The following LRP2 variants were observed in gnomAD, a reference collection of about 807,000 sequenced individuals.
LRP2 encodes the protein LDL receptor related protein 2.
In LRP2, 172 loss-of-function variants were observed where a neutral mutation model predicts 531.0. That is an observed-to-expected ratio of 0.32 (90% confidence interval 0.29 to 0.37). LRP2 has a LOEUF of 0.37. Among genes scored for constraint, LRP2 ranks in the 10% least tolerant of loss-of-function variants. LRP2 has a pLI of 1.00. For synonymous variants in LRP2, 1,992 were observed against 2,027.6 expected, an observed-to-expected ratio of 0.98 and a Z score of 0.47; for missense variants, 5,167 against 5,868.3, an observed-to-expected ratio of 0.88 and a Z score of 3.90.
intron 1 of LRP2, among the ~76,000 whole-genome samples, chr2:169,348,068 G>C (rs1685741429): frequency 1.3e-5 from 2 of 152,048 alleles, no homozygotes; most frequent in African/African-American, 4.8e-5. Flanking sequence ...GAATTGCTTT[G>C]GGCAAATTAC....
chr2:169,282,120 A>C (rs1683720163), intron 10 of LRP2, among the ~76,000 whole-genome samples: 1 of 152,236 alleles, frequency 6.6e-6, no homozygotes, highest in Non-Finnish European at 1.5e-5. Flanking sequence ...AAGTTACTAC[A>C]CAGCAAATCA....
intron 6 of LRP2, 43 bp downstream of exon 6, chr2:169,294,105 A>G: frequency 7.2e-7 from 1 of 1,386,552 alleles, no homozygotes; most frequent in African/African-American, 1.4e-5. Flanking sequence ...AACAAAACAA[A>G]ACACTCCCAA....
At chr2:169,234,769 G>A (rs1689541575) in intron 29 of LRP2, among the ~76,000 whole-genome samples, 1 of 152,064 alleles carries the variant, frequency 6.6e-6, no homozygotes, top group East Asian at 1.9e-4. Context: ...TATTTTTAAT[G>A]GGGGTCAATA....
chr2:169,191,968 T>C lies in LRP2; in HGVS notation c.8896A>G (p.Ile2966Val). The C allele has an allele frequency of 3.7e-6, 6 of 1,614,180 alleles. No individual in the cohort carries two copies. Among genetic ancestry groups the C allele is most frequent in the Non-Finnish European group, 3.4e-6 (4 of 1,180,006 alleles). The stretch of plus-strand genomic sequence containing the variant: ...CCATCACAGACCCAAGACTGGGGAA[T>C]GCACCTCCTGTCCGGAGGTCTGTCA... ...VNDRPPDRRC[I>V]PQSWVCDGDV... Residue 2966 changes from isoleucine (I) to valine (V), a missense_variant, in exon 48 of 79, where the codon ATT (isoleucine) becomes GTT (valine). This residue lies in a region of LRP2 where 1,129 missense variants were observed against 1,362.7 expected (regional missense o/e 0.83). Transcript: ENST00000649046.
In LRP2 at chr2:169,244,896, T is replaced by C. The variant is rs1364949121; in HGVS notation, c.3227A>G (p.His1076Arg). The change falls in exon 22 of 79, where the codon CAT becomes CGT. Residue 1076 changes from histidine (H) to arginine (R), a missense_variant. Around this residue, in one of 6 missense-constraint regions of LRP2, gnomAD observed 2,811 missense variants for 3,058.0 expected, o/e 0.92. Transcript: ENST00000649046. ...CCAGTGTGCAGGAATGCACTCCCCA[T>C]GGCCACAGGTGAACGCCGAAGATGA... The part of the protein sequence containing the change: ...TCSSSAFTCG[H>R]GECIPAHWRC... The C allele has an allele frequency of 1.9e-6, 3 of 1,614,118 alleles. No individual in the cohort carries two copies. Among genetic ancestry groups the C allele is most frequent in the African/African-American group, 1.3e-5 (1 of 74,950 alleles).
chr2:169,358,206 A>G (rs988836922), intron 1 of LRP2, among the ~76,000 whole-genome samples: 1 of 152,222 alleles, frequency 6.6e-6, no homozygotes, highest in Non-Finnish European at 1.5e-5. Flanking sequence ...GACATTCAGA[A>G]GGCATGAATC....
At chr2:169,329,514 A>C (rs912948970) in intron 1 of LRP2, among the ~76,000 whole-genome samples, 1 of 152,240 alleles carries the variant, frequency 6.6e-6, no homozygotes, top group African/African-American at 2.4e-5. Context: ...TTTCAGTGCC[A>C]AGCCAAAGAG....
In LRP2 at chr2:169,235,909, G is replaced by A. The variant is rs1423276268; in HGVS notation, c.4851C>T (p.Ser1617=). Residue 1617 remains serine (S), a synonymous_variant, in exon 29 of 79, where the codon TCC becomes TCT. Coordinates refer to ENST00000649046, the MANE Select transcript of LRP2 (RefSeq NM_004525.3). The part of the protein sequence containing the change: ...YPNRLLYFMD[S]YLDYMDFCDY... ...CACAAAAGTCCATGTAATCAAGATAGGAGTCCATGAAGTAGAGCAGTCTGT... is the reference window on the plus strand; with the variant it reads ...CACAAAAGTCCATGTAATCAAGATAAGAGTCCATGAAGTAGAGCAGTCTGT... 3 of 1,614,162 alleles carry A rather than the reference G, an allele frequency of 1.9e-6. No individual in the cohort carries two copies. The highest frequency in any genetic ancestry group is 1.6e-4 in the Middle Eastern group (1 of 6,062).
intron 19 of LRP2, among the ~76,000 whole-genome samples, chr2:169,248,159 A>C (rs916865489): frequency 4.6e-5 from 7 of 152,216 alleles, no homozygotes; most frequent in African/African-American, 1.7e-4. Flanking sequence ...TGATGCTCAC[A>C]ATGGTAAGAG....
chr2:169,237,349 A>T, intron 27 of LRP2, 62 bp from the exon 28 acceptor site: 1 of 1,257,642 alleles, frequency 8.0e-7, no homozygotes, highest in Non-Finnish European at 1.2e-6. Flanking sequence ...AAACATGGAT[A>T]TTATATAAAA....
chr2:169,239,465 G>A, intron 26 of LRP2, 62 bp downstream of exon 26: 1 of 1,613,026 alleles, frequency 6.2e-7, no homozygotes, highest in Admixed American at 1.7e-5. Context: ...ACCTACATGT[G>A]CCATTTGATT....
Position 169,151,043 on chromosome 2 carries a change from A to G in LRP2, c.12462-17T>C. ...TAAATATGCCTGAATTCAGAGGGACAAAGTTAAACAACTGCAAAGCCTAGA... is the reference window on the plus strand; with the variant it reads ...TAAATATGCCTGAATTCAGAGGGACGAAGTTAAACAACTGCAAAGCCTAGA... On this transcript the variant is annotated splice_polypyrimidine_tract_variant and intron_variant, in intron 67 of 78. Transcript: ENST00000649046. The G allele has an allele frequency of 6.2e-7, 1 of 1,613,780 alleles. No individual in the cohort carries two copies. Among genetic ancestry groups the G allele is most frequent in the South Asian group, 1.1e-5 (1 of 91,086 alleles).
rs369763454 is a variant in LRP2 at position 169,198,295 on chromosome 2, TC to T, written c.8578+490del. Among the ~76,000 whole-genome samples the T allele has an allele frequency of 6.6e-5, 10 of 152,070 alleles. 1 individual carries two copies. Among genetic ancestry groups the T allele is most frequent in the African/African-American group, 2.4e-4 (10 of 41,456 alleles). On this transcript the variant is annotated intron_variant, in intron 45 of 78. Transcript: ENST00000649046. Reference sequence around the variant, plus strand: ...TGGGCATGGTGTCACATGCACGTAATCCCAGCTACTCAGGAGGCTGAGATGG... The same window carrying T: ...TGGGCATGGTGTCACATGCACGTAATCCAGCTACTCAGGAGGCTGAGATGG...
chr2:169,279,719 T>C, intron 11 of LRP2, 124 bp from the exon 12 acceptor site: 1 of 644,886 alleles, frequency 1.6e-6, no homozygotes. Context: ...TTTCAGAAAT[T>C]TCATGCAAGT....
Position 169,173,179 on chromosome 2 carries a change from T to G in LRP2, c.11060A>C (p.Lys3687Thr). Residue 3687 changes from lysine to threonine, a missense_variant, in exon 57 of 79, where the codon AAA (lysine) becomes ACA (threonine). Around this residue, in one of 6 missense-constraint regions of LRP2, gnomAD observed 311 missense variants for 309.4 expected, o/e 1.01. Transcript: ENST00000649046. ...CTTTGGGATGCAGCGGTAATTTGTT[T>G]TGCAGCTGAATTCTGTGAAGTTGTC... The part of the protein sequence containing the change: ...LCDNFTEFSC[K>T]TNYRCIPKWA... 1 of 1,614,150 alleles carries G rather than the reference T, an allele frequency of 6.2e-7. No homozygotes were observed. The highest frequency in any genetic ancestry group is 1.1e-5 in the South Asian group (1 of 91,074).
At chr2:169,222,295 G>T (rs923638893) in intron 33 of LRP2, among the ~76,000 whole-genome samples, 12 of 152,126 alleles carry the variant, frequency 7.9e-5, no homozygotes, top group Non-Finnish European at 1.5e-4. Context: ...GGATACCTCA[G>T]TGTTATGAAG....
At chr2:169,200,251 A>G (rs576679857) in intron 44 of LRP2, among the ~76,000 whole-genome samples, 27 of 152,090 alleles carry the variant, frequency 1.8e-4, no homozygotes, top group Non-Finnish European at 3.4e-4. Flanking sequence ...ACTCCATCTC[A>G]AAAAAATAAA....
chr2:169,247,257 G>T, intron 20 of LRP2, 121 bp downstream of exon 20: 3 of 1,089,114 alleles, frequency 2.8e-6, no homozygotes, highest in Non-Finnish European at 4.0e-6. Context: ...TGAACGACAA[G>T]AATATAAAAC....
chr2:169,176,999 G>A lies in LRP2; in HGVS notation c.10394-411C>T, dbSNP rs1687218530. Among the ~76,000 whole-genome samples, 3 of 152,168 alleles carry A rather than the reference G, an allele frequency of 2.0e-5. No individual in the cohort carries two copies. In the South Asian group the frequency reaches 6.2e-4, roughly 31 times the overall value. On this transcript the variant is annotated intron_variant, in intron 53 of 78. Coordinates refer to ENST00000649046, the MANE Select transcript of LRP2 (RefSeq NM_004525.3). ...AAGTTTGGCCAAAAATAATGTGGAT[G>A]AATAAACTGAGCAGCATCTTTACTA...
Sources: gnomAD v4.1 joint callset for allele counts (sites outside exome capture counted in the v4.1 genomes callset) on GRCh38, gnomAD v4.1.1 for gene constraint, gnomAD v4.1.1 regional missense constraint, MANE v1.5 for transcripts, NCBI Gene and HGNC (gene_info 2026-07-23, HGNC 2026-07-21) for gene names.